SCPEP1: variants seen among roughly 807,000 people sequenced by gnomAD.
SCPEP1 encodes retinoid-inducible serine carboxypeptidase.
In SCPEP1, 51 loss-of-function variants were observed where a neutral mutation model predicts 63.8. That is an observed-to-expected ratio of 0.80 (90% CI 0.64 to 1.01). The LOEUF (loss-of-function observed/expected upper bound fraction) is 1.01. SCPEP1 is among the 50% of genes least tolerant of loss of function. SCPEP1 has a pLI of 0.00. For synonymous variants in SCPEP1, 204 were observed against 207.8 expected (o/e 0.98, Z 0.16); for missense variants, 499 against 554.9 (o/e 0.90, Z 1.01).
chr17:56,992,441 T>C lies in SCPEP1; in HGVS notation c.619+1270T>C, dbSNP rs73313844. Among the ~76,000 whole-genome samples the C allele has an allele frequency of 7.2e-3, 1,098 of 152,250 alleles. 16 individuals are homozygous for C. The highest frequency in any genetic ancestry group is 0.025 in the African/African-American group (1,052 of 41,516). On this transcript the variant is annotated intron_variant, in intron 6 of 12. Coordinates refer to ENST00000262288, the MANE Select transcript of SCPEP1 (RefSeq NM_021626.3). ...AGCATGAGAGTTTCTTGTCAGATAC[T>C]GCTCTTTTGTTCATGTTGATGGCAA...
At chr17:57,003,553 G>A (rs1911803970) in intron 12 of SCPEP1, among the ~76,000 whole-genome samples, 1 of 152,168 alleles carries the variant, frequency 6.6e-6, no homozygotes, top group Non-Finnish European at 1.5e-5. Context: ...GCGATGGAGG[G>A]AATTTGCACA....
intron 11 of SCPEP1, 82 bp from the exon 12 acceptor site, chr17:57,001,936 G>C: frequency 7.0e-7 from 1 of 1,438,752 alleles, no homozygotes; most frequent in Non-Finnish European, 9.4e-7. Context: ...AGTTTGGGAA[G>C]CACCAACTTT....
intron 9 of SCPEP1, 52 bp downstream of exon 9, chr17:56,997,107 A>C (rs1287613887): frequency 8.7e-7 from 1 of 1,155,326 alleles, no homozygotes; most frequent in East Asian, 2.4e-5. Context: ...CCATGCAAAA[A>C]GAAACCTGTT....
chr17:57,005,587 T>C (rs1911859761), intron 12 of SCPEP1, among the ~76,000 whole-genome samples: 1 of 152,180 alleles, frequency 6.6e-6, no homozygotes, highest in African/African-American at 2.4e-5. Context: ...CCCTTCTGTG[T>C]AGGGAGAAAC....
Position 56,985,472 on chromosome 17 carries a change from A to T in SCPEP1, c.315+5A>T. 2 of 1,609,078 alleles carry T rather than the reference A, an allele frequency of 1.2e-6. No individual in the cohort carries two copies. Among genetic ancestry groups the T allele is most frequent in the Non-Finnish European group, 1.7e-6 (2 of 1,175,382 alleles). On this transcript the variant is annotated splice_donor_5th_base_variant and intron_variant, in intron 3 of 12. Transcript: ENST00000262288. ...AAACCACGGAAAACCACCTGGGTAC[A>T]GTGAGGACAGTCCTGAGCTAAACCT...
chr17:56,999,334 A>G (rs1376498992), intron 10 of SCPEP1, among the ~76,000 whole-genome samples: 1 of 152,170 alleles, frequency 6.6e-6, no homozygotes, highest in Non-Finnish European at 1.5e-5. Flanking sequence ...ATGGTGAGGA[A>G]ATAATGAAAT....
chr17:56,985,581 T>C, intron 3 of SCPEP1, 114 bp downstream of exon 3: 1 of 779,022 alleles, frequency 1.3e-6, no homozygotes. Context: ...TTCCTTTTCC[T>C]GTGACTACTG....
intron 2 of SCPEP1, chr17:56,982,900 T>A (rs2144469055): frequency 6.6e-6 from 1 of 152,210 alleles, no homozygotes; most frequent in East Asian, 1.9e-4. Context: ...GAAGAAAGAT[T>A]ATGCTTACAG....
At chr17:56,995,081 C>A in intron 7 of SCPEP1, 63 bp downstream of exon 7, 1 of 1,438,298 alleles carries the variant, frequency 7.0e-7, no homozygotes, top group Non-Finnish European at 9.8e-7. Context: ...CTGGCTGTGA[C>A]CCCAGGAAAA....
At chr17:57,001,997 T>A in intron 11 of SCPEP1, 21 bp from the exon 12 acceptor site, 1 of 1,601,034 alleles carries the variant, frequency 6.2e-7, no homozygotes, top group Non-Finnish European at 8.5e-7. Context: ...GCCAGGCCTT[T>A]CTCTTTGTCC....
In SCPEP1 at chr17:56,998,446, T is replaced by G. The variant is rs1474311161; in HGVS notation, c.942T>G (p.Asn314Lys). The change falls in exon 10 of 13, where the codon AAT (asparagine) becomes AAG (lysine). Residue 314 changes from asparagine (N) to lysine (K), a missense_variant. Physicochemically the swap from Asn to Lys is moderately conservative, Grantham distance 94. Coordinates refer to ENST00000262288, the MANE Select transcript of SCPEP1 (RefSeq NM_021626.3). ...LQRDALSQLM[N>K]GPIRKKLKII... ...GAGATGCCTTAAGCCAGCTCATGAA[T>G]GGCCCCATCAGAAAGAAGCTCAAAA... 6.2e-7 allele frequency: 1 copy of G among 1,613,978 alleles called. No individual in the cohort carries two copies. Among genetic ancestry groups the G allele is most frequent in the Non-Finnish European group, 8.5e-7 (1 of 1,179,946 alleles).
At chr17:56,997,896 C>T in intron 9 of SCPEP1, 1 of 158,216 alleles carries the variant, frequency 6.3e-6, no homozygotes, top group South Asian at 1.8e-4. Flanking sequence ...TAAAGCCTCT[C>T]CACTTTCAAT....
At chr17:56,982,620 G>C (rs142005493) in intron 2 of SCPEP1, 1 of 152,184 alleles carries the variant, frequency 6.6e-6, no homozygotes, top group African/African-American at 2.4e-5. Context: ...CAGGGGCCTC[G>C]GGTTTTCAGT....
Position 57,006,226 on chromosome 17 carries a change from G to C in SCPEP1, c.1350G>C (p.Gln450His). 1.2e-6 allele frequency: 2 copies of C among 1,611,884 alleles called. No individual in the cohort carries two copies. Among genetic ancestry groups the C allele is most frequent in the Non-Finnish European group, 1.7e-6 (2 of 1,179,068 alleles). Reference sequence around the variant, plus strand: ...TGAAGATGATGAGACTGGTGACTCAGCAAGAATAGGATGGATGGGGCTGGA... The same window carrying C: ...TGAAGATGATGAGACTGGTGACTCACCAAGAATAGGATGGATGGGGCTGGA... Reference protein sequence around the residue: ...MALKMMRLVTQQE With the variant: ...MALKMMRLVTHQE Residue 450 changes from glutamine (Q) to histidine (H), a missense_variant, in exon 13 of 13, where the codon CAG becomes CAC. By Grantham distance (24) the Gln-to-His change is conservative. Coordinates refer to ENST00000262288, the MANE Select transcript of SCPEP1 (RefSeq NM_021626.3).
In SCPEP1 at chr17:57,006,413, T is replaced by A. The variant is rs1234364076; in HGVS notation, c.*178T>A. The A allele has an allele frequency of 1.7e-5, 7 of 412,380 alleles. No homozygotes were observed. The highest frequency in any genetic ancestry group is 3.0e-5 in the Non-Finnish European group (7 of 229,646). The allele number at this position is 412,380 out of a possible 1,614,324, so 25.5% of individuals were successfully genotyped here. The stretch of plus-strand genomic sequence containing the variant: ...GTCTCTGGAGGCAATTTGGAAATTA[T>A]TTCTGCTTCTTAAAAAAACCTAAGA... On this transcript the variant is annotated 3_prime_UTR_variant, in exon 13 of 13. Transcript: ENST00000262288.
chr17:56,995,554 G>A lies in SCPEP1; in HGVS notation c.705G>A (p.Glu235=), dbSNP rs1567867765. ...TGGCAGAGGTGTCTAAGGTTGCAGA[G>A]CAAGTACTGAATGCCGTAAATAAGG... The part of the protein sequence containing the change: ...KGLAEVSKVA[E]QVLNAVNKGL... The change falls in exon 8 of 13, where the codon GAG becomes GAA. Residue 235 remains glutamate (E), a synonymous_variant. Coordinates refer to ENST00000262288, the MANE Select transcript of SCPEP1 (RefSeq NM_021626.3). 1 of 1,614,100 alleles carries A rather than the reference G, an allele frequency of 6.2e-7. No homozygotes were observed. The highest frequency in any genetic ancestry group is 1.7e-5 in the Admixed American group (1 of 60,012).
At chr17:56,980,788 C>CAAAAAAAA in intron 1 of SCPEP1, among the ~76,000 whole-genome samples, 1 of 77,140 alleles carries the variant, frequency 1.3e-5, no homozygotes, top group Non-Finnish European at 2.5e-5. Flanking sequence ...GACTTCGTAT[C>CAAAAAAAA]AAAAAAAAAA....
Position 57,000,858 on chromosome 17 carries a change from A to G in SCPEP1, c.998A>G (p.Gln333Arg). 6.2e-7 allele frequency: 1 copy of G among 1,614,132 alleles called. No homozygotes were observed. ...CTTTCTCCTTCCCCATGTGCAGGCC[A>G]GGCTACCAACGTCTTTGTGAACATG... ...IIPEDQSWGG[Q>R]ATNVFVNMEE... Residue 333 changes from glutamine to arginine, a missense_variant, in exon 11 of 13, where the codon CAG becomes CGG. Coordinates refer to ENST00000262288, the MANE Select transcript of SCPEP1 (RefSeq NM_021626.3).
rs1597922969 is a variant in SCPEP1, at chr17:57,000,926, T to C, written c.1066T>C (p.Leu356=). The C allele has an allele frequency of 5.6e-6, 9 of 1,614,114 alleles. No individual in the cohort carries two copies. Among genetic ancestry groups the C allele is most frequent in the Non-Finnish European group, 7.6e-6 (9 of 1,180,018 alleles). ...MKPVISIVDE[L]LEAGINVTVY... ...GCCAGTCATTAGCATTGTGGACGAG[T>C]TGCTGGAGGCAGGGATCAACGTGAC... The change falls in exon 11 of 13, where the codon TTG becomes CTG. Residue 356 remains leucine, a synonymous_variant. Transcript: ENST00000262288.
Sources: gnomAD v4.1 joint callset for allele counts (sites outside exome capture counted in the v4.1 genomes callset) on GRCh38, gnomAD v4.1.1 for gene constraint, MANE v1.5 for transcripts, NCBI Gene and HGNC (gene_info 2026-07-23, HGNC 2026-07-21) for gene names.